The following SEZ6 variants were observed in gnomAD, a reference collection of about 807,000 sequenced individuals.
SEZ6 encodes the protein seizure protein 6 homolog.
SEZ6 carries 53 observed loss-of-function variants against 101.0 expected under a neutral mutation model. That is an observed-to-expected ratio of 0.52 (90% confidence interval 0.42 to 0.66). The LOEUF (loss-of-function observed/expected upper bound fraction) is 0.66. Among genes scored for constraint, SEZ6 ranks in the 30% least tolerant of loss-of-function variants. SEZ6 has a pLI of 0.00. For missense variants in SEZ6, 1,102 were observed against 1,289.4 expected, an observed-to-expected ratio of 0.85 and a Z score of 2.23; for synonymous variants, 488 against 512.2, an observed-to-expected ratio of 0.95 and a Z score of 0.64.
chr17:28,961,089 C>T, intron 5 of SEZ6, 116 bp from the exon 6 acceptor site: 1 of 1,305,454 alleles, frequency 7.7e-7, no homozygotes, highest in Non-Finnish European at 1.0e-6. Context: ...GGGACCTTGC[C>T]TCCCTGCCAT....
chr17:28,986,627 G>A (rs746994948), intron 1 of SEZ6, among the ~76,000 whole-genome samples: 2 of 152,246 alleles, frequency 1.3e-5, no homozygotes, highest in African/African-American at 2.4e-5. Context: ...GGGAACCGCC[G>A]AACCAGGCAG....
chr17:28,975,424 G>A (rs2041208437), intron 3 of SEZ6, among the ~76,000 whole-genome samples: 1 of 152,230 alleles, frequency 6.6e-6, no homozygotes. Flanking sequence ...CTGAGGCACA[G>A]AGAAGGCCAG....
In SEZ6 at chr17:28,960,650, G is replaced by T; in HGVS notation, c.1431C>A (p.Asp477Glu). 1.2e-5 allele frequency: 19 copies of T among 1,603,300 alleles called. No homozygotes were observed. Among genetic ancestry groups the T allele is most frequent in the Non-Finnish European group, 1.4e-5 (16 of 1,175,010 alleles). Residue 477 changes from aspartate (D) to glutamate (E), a missense_variant, in exon 7 of 17, where the codon GAC (aspartate) becomes GAA (glutamate). By Grantham distance (45) the Asp-to-Glu change is conservative. This residue lies in a region of SEZ6 where 556 missense variants were observed against 735.1 expected (regional missense o/e 0.76). Transcript: ENST00000317338. ...CATACACTGGTGGGGCCTCCACGTTGTCCCCATTGCGAATGATGAGCCTGA... is the reference window on the plus strand; with the variant it reads ...CATACACTGGTGGGGCCTCCACGTTTTCCCCATTGCGAATGATGAGCCTGA... ...DDDRLIIRNG[D>E]NVEAPPVYDS...
intron 1 of SEZ6, among the ~76,000 whole-genome samples, chr17:29,002,062 A>T (rs544792972): frequency 6.7e-6 from 1 of 149,304 alleles, no homozygotes; most frequent in South Asian, 2.1e-4. Flanking sequence ...CCTGCCTAAT[A>T]GGCCCTTTTC....
rs771313603 is a variant in SEZ6, at chr17:28,958,015, A to G, written c.2234T>C (p.Val745Ala). 6 of 1,613,972 alleles carry G rather than the reference A, an allele frequency of 3.7e-6. No homozygotes were observed. Among genetic ancestry groups the G allele is most frequent in the Non-Finnish European group, 5.1e-6 (6 of 1,179,858 alleles). The change falls in exon 11 of 17, where the codon GTG becomes GCG. Residue 745 changes from valine to alanine, a missense_variant. This residue lies in a region of SEZ6 where 556 missense variants were observed against 735.1 expected (regional missense o/e 0.76). Coordinates refer to ENST00000317338, the MANE Select transcript of SEZ6 (RefSeq NM_178860.5). The stretch of plus-strand genomic sequence containing the variant: ...CTGGCACATGAGGACACTGGATCCC[A>G]CTACCTGGTAGCCAGGGTAGCACTG... ...TYQCYPGYQVVGSSVLMCQWD... is the reference protein window; with the variant it reads ...TYQCYPGYQVAGSSVLMCQWD...
At chr17:28,960,369 G>T in intron 7 of SEZ6, 136 bp downstream of exon 7, 1 of 1,187,998 alleles carries the variant, frequency 8.4e-7, no homozygotes, top group Non-Finnish European at 1.2e-6. Flanking sequence ...GGGGGCCTAA[G>T]TACTGAGTGA....
chr17:28,960,986 G>T lies in SEZ6; in HGVS notation c.1241-13C>A, dbSNP rs1455918537. The T allele has an allele frequency of 6.2e-7, 1 of 1,609,188 alleles. No individual in the cohort carries two copies. The highest frequency in any genetic ancestry group is 1.1e-5 in the South Asian group (1 of 90,838). On this transcript the variant is annotated splice_polypyrimidine_tract_variant and intron_variant, in intron 5 of 16. Coordinates refer to ENST00000317338, the MANE Select transcript of SEZ6 (RefSeq NM_178860.5). ...CCGCCGCAAGCAGCTGTTAAGACCA[G>T]GACAGGACGTAGGCTAGGCCCCTGC...
At position 28,955,499 on chromosome 17, in the gene SEZ6, A is replaced by C. The variant is rs2040864571; in HGVS notation, c.*463T>G. 1 of 397,104 alleles carries C rather than the reference A, an allele frequency of 2.5e-6. No homozygotes were observed. The highest frequency in any genetic ancestry group is 2.1e-5 in the African/African-American group (1 of 48,738). The allele number at this position is 397,104 out of a possible 1,614,324, so 24.6% of individuals were successfully genotyped here. On this transcript the variant is annotated 3_prime_UTR_variant, in exon 17 of 17. Transcript: ENST00000317338. ...GGACTACCCAGAGGTCACCGTTGAG[A>C]GGAGTTTTGGCCATTGGTGATGGCG...
At chr17:28,995,809 T>A (rs1199614872) in intron 1 of SEZ6, among the ~76,000 whole-genome samples, 3 of 152,004 alleles carry the variant, frequency 2.0e-5, no homozygotes, top group African/African-American at 4.8e-5. Context: ...GGCAATGAGC[T>A]CTAATGGTGG....
rs551323971 is a variant in SEZ6 at position 28,993,270 on chromosome 17, T to C, written c.56-11231A>G. On this transcript the variant is annotated intron_variant, in intron 1 of 16. Transcript: ENST00000317338. ...CTCTCCCTGGAGGCGTTTCTGTCCA[T>C]CAGCTCCTTCTGTCCATCTGCTAGC... 7.2e-5 allele frequency among the ~76,000 whole-genome samples: 11 copies of C among 152,234 alleles called. No individual in the cohort carries two copies. In the South Asian group the frequency reaches 2.3e-3, roughly 32 times the overall value.
chr17:28,964,913 G>A lies in SEZ6; in HGVS notation c.1055-766C>T, dbSNP rs540596266. Among the ~76,000 whole-genome samples the A allele has an allele frequency of 1.4e-4, 21 of 150,824 alleles. No individual in the cohort carries two copies. The South Asian group carries it at 1.7e-3, about 12-fold the overall frequency. On this transcript the variant is annotated intron_variant, in intron 4 of 16. Coordinates refer to ENST00000317338, the MANE Select transcript of SEZ6 (RefSeq NM_178860.5). ...CTCTACTAAAAATACAAAATTAGCC[G>A]GGCATGGTGGCGCATGCCTGTAATC...
Position 28,979,643 on chromosome 17 carries a change from G to A in SEZ6, c.858+37C>T, listed in dbSNP as rs62068969. The A allele has an allele frequency of 0.16, 263,439 of 1,612,444 alleles. 22,766 individuals carry two copies. The highest frequency in any genetic ancestry group is 0.18 in the Non-Finnish European group (210,104 of 1,178,848). On this transcript the variant is annotated intron_variant, in intron 3 of 16. Coordinates refer to ENST00000317338, the MANE Select transcript of SEZ6 (RefSeq NM_178860.5). ...CTCTCTGAAGAAAGAGAATACACCCGCCCCAGCTTTGCCCTTGCCAGATCC... is the reference window on the plus strand; with the variant it reads ...CTCTCTGAAGAAAGAGAATACACCCACCCCAGCTTTGCCCTTGCCAGATCC...
chr17:28,955,855 G>T lies in SEZ6; in HGVS notation c.*107C>A. On this transcript the variant is annotated 3_prime_UTR_variant, in exon 17 of 17. Transcript: ENST00000317338. Reference sequence around the variant, plus strand: ...GCTTGGTGGCATCTCCTCCTAGGTGGTATATACAGGAGGTGGAGGGACAGC... The same window carrying T: ...GCTTGGTGGCATCTCCTCCTAGGTGTTATATACAGGAGGTGGAGGGACAGC... The T allele has an allele frequency of 8.1e-7, 1 of 1,233,304 alleles. No individual in the cohort carries two copies. The allele number at this position is 1,233,304 out of a possible 1,614,324, so 76.4% of individuals were successfully genotyped here.
At chr17:28,970,046 G>C in intron 3 of SEZ6, 94 bp from the exon 4 acceptor site, 1 of 1,190,162 alleles carries the variant, frequency 8.4e-7, no homozygotes, top group South Asian at 1.7e-5. Context: ...GCCCCGGGCA[G>C]ATCAATCCTC....
At chr17:28,957,846 T>G in intron 11 of SEZ6, 101 bp downstream of exon 11, 6 of 1,348,498 alleles carry the variant, frequency 4.4e-6, no homozygotes, top group Non-Finnish European at 6.1e-6. Context: ...GAAGGAACTT[T>G]GAAGATACTA....
chr17:28,967,766 T>G (rs2041092025), intron 4 of SEZ6, among the ~76,000 whole-genome samples: 1 of 152,102 alleles, frequency 6.6e-6, no homozygotes. Context: ...GGGGTGGAAC[T>G]GGGCTGGAAC....
At chr17:28,989,500 T>A (rs537590268) in intron 1 of SEZ6, among the ~76,000 whole-genome samples, 1 of 152,334 alleles carries the variant, frequency 6.6e-6, no homozygotes, top group South Asian at 2.1e-4. Flanking sequence ...ACCTTTGTGA[T>A]GATGGAAATA....
chr17:28,961,571 GC>G (rs1300801919), intron 5 of SEZ6, among the ~76,000 whole-genome samples: 1 of 152,182 alleles, frequency 6.6e-6, no homozygotes, highest in African/African-American at 2.4e-5. Context: ...CATGCCATCC[GC>G]CCCGGCCTCA....
Position 28,955,908 on chromosome 17 carries a change from T to C in SEZ6, c.*54A>G. The C allele has an allele frequency of 6.3e-7, 1 of 1,591,122 alleles. No individual in the cohort carries two copies. The highest frequency in any genetic ancestry group is 8.6e-7 in the Non-Finnish European group (1 of 1,165,666). On this transcript the variant is annotated 3_prime_UTR_variant, in exon 17 of 17. Transcript: ENST00000317338. ...GAAGCAAGGAGCCTTGCTGCTGGAC[T>C]GTGGTGCAAGTCTGAGTTGACTTCC...
Sources: gnomAD v4.1 joint callset for allele counts (sites outside exome capture counted in the v4.1 genomes callset) on GRCh38, gnomAD v4.1.1 for gene constraint, gnomAD v4.1.1 regional missense constraint, MANE v1.5 for transcripts, NCBI Gene and HGNC (gene_info 2026-07-23, HGNC 2026-07-21) for gene names.